ADK: variants seen among roughly 807,000 people sequenced by gnomAD.
The protein encoded by ADK is adenosine kinase.
A neutral mutation model predicts 44.7 loss-of-function variants in ADK; 24 were observed. The ratio of observed to expected loss-of-function variants is 0.54; its 90% CI spans 0.39 to 0.76. The LOEUF (loss-of-function observed/expected upper bound fraction) is 0.76, where lower values mean the gene tolerates loss of function less well. ADK is among the 30% of genes least tolerant of loss of function. The pLI is 0.00. For missense variants in ADK, 321 were observed against 425.1 expected (o/e 0.76, Z 2.15); for synonymous variants, 128 against 142.6 (o/e 0.90, Z 0.73).
chr10:74,520,323 T>C (rs939317520), intron 6 of ADK, among the ~76,000 whole-genome samples: 4 of 152,050 alleles, frequency 2.6e-5, no homozygotes, highest in Non-Finnish European at 5.9e-5. Flanking sequence ...AAAGTCTTTT[T>C]TTTTTCTATA....
intron 2 of ADK, among the ~76,000 whole-genome samples, chr10:74,212,509 T>G (rs1048332446): frequency 7.9e-5 from 12 of 152,192 alleles, no homozygotes; most frequent in African/African-American, 2.9e-4. Context: ...CTGTGTGACC[T>G]TGGTTATCTA....
At position 74,708,859 on chromosome 10, in the gene ADK, C is replaced by T; in HGVS notation, c.*414C>T. 2 of 209,234 alleles carry T rather than the reference C, an allele frequency of 9.6e-6. No individual in the cohort carries two copies. Among genetic ancestry groups the T allele is most frequent in the South Asian group, 1.5e-4 (2 of 13,718 alleles). 13.0% of individuals were successfully genotyped at this position (209,234 alleles called of 1,614,324 possible). A position where few individuals can be genotyped will look rare whatever the true frequency, so the allele number is the denominator to read the frequency against. On this transcript the variant is annotated 3_prime_UTR_variant, in exon 11 of 11. Transcript: ENST00000539909. ...ACATAGTAATCTTTAGCTTTTTATA[C>T]AAATATATTTAATTTAGGAGTATAT...
chr10:74,472,744 A>G (rs937418518), intron 6 of ADK, among the ~76,000 whole-genome samples: 7 of 152,244 alleles, frequency 4.6e-5, no homozygotes, highest in Admixed American at 4.6e-4. Flanking sequence ...AGTGGCTACC[A>G]TATTGGATAG....
chr10:74,623,228 A>G (rs1853062789), intron 9 of ADK, among the ~76,000 whole-genome samples: 1 of 152,124 alleles, frequency 6.6e-6, no homozygotes, highest in Non-Finnish European at 1.5e-5. Context: ...TATATATACT[A>G]TAATGCACAA....
chr10:74,415,827 A>G (rs1844348674), intron 6 of ADK, among the ~76,000 whole-genome samples: 1 of 152,074 alleles, frequency 6.6e-6, no homozygotes, highest in South Asian at 2.1e-4. Context: ...TATTATGACT[A>G]CAAATGATGC....
At chr10:74,428,644 G>A (rs1177648170) in intron 6 of ADK, among the ~76,000 whole-genome samples, 2 of 152,180 alleles carry the variant, frequency 1.3e-5, no homozygotes, top group Non-Finnish European at 2.9e-5. Flanking sequence ...ACAAAACAAG[G>A]AAACCTCATT....
chr10:74,504,826 G>A (rs1847995986), intron 6 of ADK, among the ~76,000 whole-genome samples: 1 of 152,178 alleles, frequency 6.6e-6, no homozygotes, highest in South Asian at 2.1e-4. Flanking sequence ...TGTATGACAT[G>A]CCTGCTTCCC....
chr10:74,328,328 T>A (rs79484661), intron 4 of ADK, among the ~76,000 whole-genome samples: 1 of 152,210 alleles, frequency 6.6e-6, no homozygotes, highest in Admixed American at 6.5e-5. Context: ...ATTAAAGATA[T>A]AAGAGGTTTA....
intron 6 of ADK, among the ~76,000 whole-genome samples, chr10:74,419,178 C>G (rs2133009810): frequency 6.6e-6 from 1 of 152,258 alleles, no homozygotes; most frequent in East Asian, 1.9e-4. Context: ...TGTATTTACA[C>G]TCTAAAATGA....
At chr10:74,496,561 A>G (rs1478621694) in intron 6 of ADK, among the ~76,000 whole-genome samples, 1 of 152,160 alleles carries the variant, frequency 6.6e-6, no homozygotes, top group Non-Finnish European at 1.5e-5. Context: ...TCTTTTCTTT[A>G]TAAATTACCC....
chr10:74,443,464 T>C (rs994077195), intron 6 of ADK, among the ~76,000 whole-genome samples: 1 of 152,182 alleles, frequency 6.6e-6, no homozygotes, highest in African/African-American at 2.4e-5. Flanking sequence ...GTCTATTGTA[T>C]GATCTCATTC....
intron 4 of ADK, among the ~76,000 whole-genome samples, chr10:74,393,366 T>G (rs1232618256): frequency 1.3e-5 from 2 of 152,170 alleles, no homozygotes; most frequent in African/African-American, 4.8e-5. Flanking sequence ...AAAGTTCAAA[T>G]CTGTGAAACA....
rs1019923151 is a variant in ADK, at chr10:74,538,954, T to C, written c.726+13528T>C. On this transcript the variant is annotated intron_variant, in intron 7 of 10. Coordinates refer to ENST00000539909, the MANE Select transcript of ADK (RefSeq NM_006721.4). ...AAGATAAAAAATCTGTGTGAATCTATGTGTAATTATGTACACCAAATAGTG... is the reference window on the plus strand; with the variant it reads ...AAGATAAAAAATCTGTGTGAATCTACGTGTAATTATGTACACCAAATAGTG... Among the ~76,000 whole-genome samples the C allele has an allele frequency of 2.6e-5, 4 of 152,220 alleles. No homozygotes were observed. The East Asian group carries it at 5.8e-4, about 22-fold the overall frequency.
At chr10:74,508,813 C>A (rs1054149487) in intron 6 of ADK, among the ~76,000 whole-genome samples, 2 of 151,900 alleles carry the variant, frequency 1.3e-5, no homozygotes, top group Non-Finnish European at 2.9e-5. Flanking sequence ...TCCTTTAAGA[C>A]TGTATTGTGT....
intron 4 of ADK, among the ~76,000 whole-genome samples, chr10:74,387,156 T>G (rs1003429222): frequency 6.6e-6 from 1 of 152,118 alleles, no homozygotes; most frequent in African/African-American, 2.4e-5. Context: ...AGGCTGTTCT[T>G]GAACTCCTGA....
chr10:74,164,525 G>T (rs1841984703), intron 1 of ADK, among the ~76,000 whole-genome samples: 1 of 152,184 alleles, frequency 6.6e-6, no homozygotes. Context: ...GACAGAGTGA[G>T]ACTCCATCTT....
chr10:74,316,332 TGCTAGAA>T (rs753123072), intron 4 of ADK, among the ~76,000 whole-genome samples: 4 of 152,216 alleles, frequency 2.6e-5, no homozygotes, highest in Non-Finnish European at 5.9e-5. Flanking sequence ...TCTTTTCTCC[TGCTAGAA>T]CTGGGGGTGA....
At chr10:74,386,250 T>C (rs967402543) in intron 4 of ADK, among the ~76,000 whole-genome samples, 6 of 152,206 alleles carry the variant, frequency 3.9e-5, no homozygotes, top group Non-Finnish European at 7.3e-5. Flanking sequence ...AGATGCCTCA[T>C]TGAGTTTTCT....
At chr10:74,410,039 T>C (rs1439754545) in intron 6 of ADK, among the ~76,000 whole-genome samples, 1 of 152,154 alleles carries the variant, frequency 6.6e-6, no homozygotes, top group Non-Finnish European at 1.5e-5. Context: ...ATAAGAAATC[T>C]CATCTAAGAA....
Sources: gnomAD v4.1 joint callset for allele counts (sites outside exome capture counted in the v4.1 genomes callset) on GRCh38, gnomAD v4.1.1 for gene constraint, MANE v1.5 for transcripts, NCBI Gene and HGNC (gene_info 2026-07-23, HGNC 2026-07-21) for gene names.